Variants in CFHR3 observed in about 807,000 individuals in gnomAD.
CFHR3 encodes the protein complement factor H-related protein 3.
A neutral mutation model predicts 36.0 loss-of-function variants in CFHR3; 22 were observed. That is an observed-to-expected ratio of 0.61 (90% CI 0.44 to 0.87). The LOEUF (loss-of-function observed/expected upper bound fraction) is 0.87. Ranked by LOEUF, CFHR3 falls within the 40% of genes least tolerant of loss-of-function variation. The pLI is 0.00. For missense variants in CFHR3, 276 were observed against 401.3 expected (o/e 0.69, Z 2.67); for synonymous variants, 97 against 137.4 (o/e 0.71, Z 2.06).
Position 196,785,292 on chromosome 1 carries a change from T to C in CFHR3, c.431-2924T>C, listed in dbSNP as rs1336928100. ...TGACAATTATGTGTCTTGGAGTTGC[T>C]CTTCTCTAGGAGTATCTTTGTGGCG... On this transcript the variant is annotated intron_variant, in intron 3 of 5. Coordinates refer to ENST00000367425, the MANE Select transcript of CFHR3 (RefSeq NM_021023.6). Among the ~76,000 whole-genome samples the C allele has an allele frequency of 1.5e-5, 2 of 134,850 alleles. 1 individual carries two copies. The highest frequency in any genetic ancestry group is 6.4e-5 in the African/African-American group (2 of 31,420). 88.5% of individuals were successfully genotyped at this position (134,850 alleles called of 152,430 possible). A position where few individuals can be genotyped will look rare whatever the true frequency, so the allele number is the denominator to read the frequency against.
chr1:196,785,461 C>T (rs1393008794), intron 3 of CFHR3, among the ~76,000 whole-genome samples: 1 of 135,088 alleles, frequency 7.4e-6, no homozygotes, highest in African/African-American at 3.2e-5. Context: ...TAGATTTGGT[C>T]TTTTCACATA....
intron 5 of CFHR3, among the ~76,000 whole-genome samples, chr1:196,790,781 TAAAA>T: frequency 9.7e-6 from 1 of 102,710 alleles, no homozygotes; most frequent in Non-Finnish European, 1.9e-5. Flanking sequence ...AATAAATAAA[TAAAA>T]CAGAAGAAGA....
intron 2 of CFHR3, 66 bp from the exon 3 acceptor site, chr1:196,779,731 A>T (rs1573108571): frequency 7.0e-7 from 1 of 1,424,124 alleles, no homozygotes; most frequent in Middle Eastern, 2.3e-4. Context: ...AATAATTTTA[A>T]TATACTTTTT....
chr1:196,790,620 A>T (rs1425362014), intron 5 of CFHR3, among the ~76,000 whole-genome samples: 1 of 135,670 alleles, frequency 7.4e-6, no homozygotes, highest in Non-Finnish European at 1.6e-5. Context: ...GCTACTCAGG[A>T]GGGTGAGGCA....
chr1:196,785,632 CGA>C lies in CFHR3; in HGVS notation c.431-2582_431-2581del, dbSNP rs1240719189. Among the ~76,000 whole-genome samples the C allele has an allele frequency of 1.5e-5, 2 of 137,200 alleles. 1 individual carries two copies. The highest frequency in any genetic ancestry group is 6.1e-5 in the African/African-American group (2 of 32,822). The allele number at this position is 137,200 out of a possible 152,430, so 90.0% of individuals were successfully genotyped here. A position where few individuals can be genotyped will look rare whatever the true frequency, so the allele number is the denominator to read the frequency against. On this transcript the variant is annotated intron_variant, in intron 3 of 5. Coordinates refer to ENST00000367425, the MANE Select transcript of CFHR3 (RefSeq NM_021023.6). ...GCTTCTGTATTCTTCACGTAGTTCTCGAGCCTTGGCTTTCAGCTCCACCAGCT... is the reference window on the plus strand; with the variant it reads ...GCTTCTGTATTCTTCACGTAGTTCTCGCCTTGGCTTTCAGCTCCACCAGCT...
rs1654430646 is a variant in CFHR3 at position 196,791,587 on chromosome 1, C to T, written c.796+1360C>T. Among the ~76,000 whole-genome samples the T allele has an allele frequency of 2.4e-5, 3 of 125,920 alleles. 1 individual carries two copies. The highest frequency in any genetic ancestry group is 1.1e-4 in the African/African-American group (3 of 27,082). 82.6% of individuals were successfully genotyped at this position (125,920 alleles called of 152,430 possible). On this transcript the variant is annotated intron_variant, in intron 5 of 5. Coordinates refer to ENST00000367425, the MANE Select transcript of CFHR3 (RefSeq NM_021023.6). ...TGCTACCTTTTACCTTTCATATTGA[C>T]TGATGACGCTGATATTTTGGCTGAT...
intron 3 of CFHR3, among the ~76,000 whole-genome samples, chr1:196,781,968 T>G (rs1653969812): frequency 7.3e-6 from 1 of 137,336 alleles, no homozygotes; most frequent in African/African-American, 3.0e-5. Flanking sequence ...CCATCTTGAA[T>G]TAATTTTTGT....
chr1:196,786,603 T>C (rs77567989), intron 3 of CFHR3, among the ~76,000 whole-genome samples: 40,735 of 135,066 alleles, frequency 0.3, 12,104 homozygotes, highest in East Asian at 0.53. Flanking sequence ...TAGGACCCTC[T>C]GAGCCAGGTG....
rs138839071 is a variant in CFHR3 at position 196,788,400 on chromosome 1, T to C, written c.613+2T>C. The C allele has an allele frequency of 3.5e-3, 5,347 of 1,528,264 alleles. 950 individuals are homozygous for C. The highest frequency in any genetic ancestry group is 0.011 in the South Asian group (834 of 79,222). 94.7% of individuals were successfully genotyped at this position (1,528,264 alleles called of 1,614,324 possible). On this transcript the variant is annotated splice_donor_variant, in intron 4 of 5. Coordinates refer to ENST00000367425, the MANE Select transcript of CFHR3 (RefSeq NM_021023.6). LOFTEE classifies it high-confidence loss of function. ...GGTCAGCACAACCAATTTGCATTAG[T>C]AAGTGATTTACATATTCCCATTCAG...
chr1:196,789,145 G>C, intron 4 of CFHR3: 1 of 985,052 alleles, frequency 1.0e-6, no homozygotes, highest in Non-Finnish European at 1.2e-6. Flanking sequence ...ATAAATTGCT[G>C]AATGTATTTT....
chr1:196,784,976 G>T (rs1654133603), intron 3 of CFHR3, among the ~76,000 whole-genome samples: 1 of 136,238 alleles, frequency 7.3e-6, no homozygotes, highest in Non-Finnish European at 1.6e-5. Context: ...GCTTCCTTCA[G>T]GAGCTCTTTT....
At chr1:196,783,979 T>G (rs1440960662) in intron 3 of CFHR3, among the ~76,000 whole-genome samples, 1 of 136,522 alleles carries the variant, frequency 7.3e-6, no homozygotes, top group African/African-American at 3.1e-5. Context: ...TTTGAATGTG[T>G]CCCATAGATT....
chr1:196,791,932 G>T (rs112053319), intron 5 of CFHR3, among the ~76,000 whole-genome samples: 2,630 of 135,454 alleles, frequency 0.019, 702 homozygotes, highest in African/African-American at 0.074. Context: ...TATAAGATCA[G>T]TTCTATGATA....
chr1:196,779,579 C>T lies in CFHR3; in HGVS notation c.254-218C>T, dbSNP rs1209659820. ...TATGAGAATATCTATATAGTTTATA[C>T]ATATTTTAATTATGAAAACTAAAGA... is the stretch of plus-strand genomic sequence containing the variant. On this transcript the variant is annotated intron_variant, in intron 2 of 5. Coordinates refer to ENST00000367425, the MANE Select transcript of CFHR3 (RefSeq NM_021023.6). Among the ~76,000 whole-genome samples, 5 of 136,352 alleles carry T rather than the reference C, an allele frequency of 3.7e-5. 2 individuals carry two copies. Among genetic ancestry groups the T allele is most frequent in the African/African-American group, 6.1e-5 (2 of 32,554 alleles). The allele number at this position is 136,352 out of a possible 152,430, so 89.5% of individuals were successfully genotyped here.
Position 196,788,240 on chromosome 1 carries a change from A to G in CFHR3, c.455A>G (p.Glu152Gly). 7.0e-7 allele frequency: 1 copy of G among 1,433,894 alleles called. No individual in the cohort carries two copies. The highest frequency in any genetic ancestry group is 9.4e-7 in the Non-Finnish European group (1 of 1,069,066). The allele number at this position is 1,433,894 out of a possible 1,614,324, so 88.8% of individuals were successfully genotyped here. A position where few individuals can be genotyped will look rare whatever the true frequency, so the allele number is the denominator to read the frequency against. ...GGAACATGCTCAAAATCAGATATAG[A>G]AATTGAAAATGGATTCATTTCCGAA... is the stretch of plus-strand genomic sequence containing the variant. ...RVRTCSKSDI[E>G]IENGFISESS... is the part of the protein sequence containing the mutation. The change falls in exon 4 of 6, where the codon GAA becomes GGA. Residue 152 changes from glutamate (E) to glycine (G), a missense_variant. This residue lies in a region of CFHR3 where 178 missense variants were observed against 247.2 expected (regional missense o/e 0.72). Coordinates refer to ENST00000367425, the MANE Select transcript of CFHR3 (RefSeq NM_021023.6).
intron 3 of CFHR3, among the ~76,000 whole-genome samples, chr1:196,785,270 C>T (rs1654148215): frequency 7.4e-6 from 1 of 135,252 alleles, no homozygotes. Flanking sequence ...GTGAATCTGA[C>T]AATTATGTGT....
Position 196,793,511 on chromosome 1 carries a change from T to A in CFHR3, c.991T>A (p.Ter331LysextTer44). ...EGIVEYPRCE* is the reference protein window; with the variant it reads ...EGIVEYPRCEK Reference sequence around the variant, plus strand: ...GATAGTGGAATACCCCAGATGCGAATAAGGCAGCATTGTTACCCTAAATGT... The same window carrying A: ...GATAGTGGAATACCCCAGATGCGAAAAAGGCAGCATTGTTACCCTAAATGT... The change falls in exon 6 of 6, where the codon TAA (stop) becomes AAA (lysine). Residue 331 changes from the stop codon to lysine, a stop_lost. Transcript: ENST00000367425. The A allele has an allele frequency of 6.6e-7, 1 of 1,522,638 alleles. No individual in the cohort carries two copies. Among genetic ancestry groups the A allele is most frequent in the Non-Finnish European group, 8.9e-7 (1 of 1,125,812 alleles). 94.3% of individuals were successfully genotyped at this position (1,522,638 alleles called of 1,614,324 possible).
rs1417062580 is a variant in CFHR3, at chr1:196,780,180, C to T, written c.430+207C>T. Among the ~76,000 whole-genome samples, 3 of 137,152 alleles carry T rather than the reference C, an allele frequency of 2.2e-5. 1 individual carries two copies. The highest frequency in any genetic ancestry group is 9.1e-5 in the African/African-American group (3 of 32,930). 90.0% of individuals were successfully genotyped at this position (137,152 alleles called of 152,430 possible). A position where few individuals can be genotyped will look rare whatever the true frequency, so the allele number is the denominator to read the frequency against. On this transcript the variant is annotated intron_variant, in intron 3 of 5. Transcript: ENST00000367425. ...CAAAATAAATGCTCCTATTAATGGGCATTAGTCAAGAATACAGTAAAAGAA... is the reference window on the plus strand; with the variant it reads ...CAAAATAAATGCTCCTATTAATGGGTATTAGTCAAGAATACAGTAAAAGAA...
At position 196,780,092 on chromosome 1, in the gene CFHR3, C is replaced by T. The variant is rs1448162882; in HGVS notation, c.430+119C>T. 7 of 1,304,294 alleles carry T rather than the reference C, an allele frequency of 5.4e-6. 1 individual carries two copies. The highest frequency in any genetic ancestry group is 7.4e-6 in the Non-Finnish European group (7 of 946,540). The allele number at this position is 1,304,294 out of a possible 1,614,324, so 80.8% of individuals were successfully genotyped here. On this transcript the variant is annotated intron_variant, in intron 3 of 5. Coordinates refer to ENST00000367425, the MANE Select transcript of CFHR3 (RefSeq NM_021023.6). The stretch of plus-strand genomic sequence containing the variant: ...TGTTTTTGTCAACTTGTTTTGCCAA[C>T]GGACCTATTTAGTTTTACTTTTTTA...
Sources: allele counts gnomAD v4.1 joint callset (sites outside exome capture counted in the v4.1 genomes callset), GRCh38; gene constraint gnomAD v4.1.1; regional missense constraint gnomAD v4.1.1; transcripts MANE v1.5; gene names NCBI Gene and HGNC (gene_info 2026-07-23, HGNC 2026-07-21).